Variants in RPL39 observed in about 807,000 individuals in gnomAD.
RPL39 encodes large ribosomal subunit protein eL39.
For synonymous variants in RPL39, 8 were observed against 11.4 expected, an observed-to-expected ratio of 0.70 and a Z score of 0.60; for missense variants, 6 against 37.2, an observed-to-expected ratio of 0.16 and a Z score of 2.18.
rs1213179200 is a variant in RPL39 at position 119,791,562 on chromosome X, C to T, written c.3+12G>A. 2 of 1,168,908 alleles carry T rather than the reference C, an allele frequency of 1.7e-6. No individual in the cohort carries two copies. On this transcript the variant is annotated intron_variant, in intron 1 of 2. Transcript: ENST00000361575. ...AAGCCACCCCGGGGCCGATGGGGGC[C>T]GATGGACTTACCATGGCGAGCAGCG...
At chrX:119,788,157 AT>A (rs1256323380) in intron 2 of RPL39, among the ~76,000 whole-genome samples, 1 of 111,859 alleles carries the variant, frequency 8.9e-6, no homozygotes, top group Non-Finnish European at 1.9e-5. Flanking sequence ...AACCAAGGAA[AT>A]AGGCCCTCAA....
intron 1 of RPL39, chrX:119,791,001 A>G (rs1056821742): frequency 8.2e-6 from 1 of 121,369 alleles, no homozygotes; most frequent in Non-Finnish European, 1.9e-5. Context: ...CCATTTACTA[A>G]GAAGGCCAGA....
intron 2 of RPL39, 149 bp downstream of exon 2, chrX:119,789,758 CG>C: frequency 4.6e-6 from 2 of 432,128 alleles, no homozygotes; most frequent in East Asian, 7.7e-5. Context: ...AAAGGAAGTA[CG>C]TTTTTAAAAA....
intron 1 of RPL39, 121 bp from the exon 2 acceptor site, chrX:119,790,132 C>G (rs1324911818): frequency 2.3e-6 from 1 of 434,171 alleles, no homozygotes; most frequent in Non-Finnish European, 4.0e-6. Flanking sequence ...AAAATCTTCT[C>G]AATGCTAAGC....
intron 2 of RPL39, among the ~76,000 whole-genome samples, chrX:119,789,073 T>G (rs1291458921): frequency 1.8e-5 from 2 of 110,920 alleles, no homozygotes; most frequent in Non-Finnish European, 3.8e-5. Context: ...AAGACCAGCT[T>G]GGGCAACACA....
intron 2 of RPL39, among the ~76,000 whole-genome samples, chrX:119,788,492 T>C (rs1430111142): frequency 2.8e-5 from 3 of 108,375 alleles, no homozygotes; most frequent in Non-Finnish European, 3.8e-5. Context: ...GATCACACCA[T>C]TGCACTCCAG....
At chrX:119,788,427 G>A (rs1259587828) in intron 2 of RPL39, among the ~76,000 whole-genome samples, 2 of 110,153 alleles carry the variant, frequency 1.8e-5, no homozygotes, top group African/African-American at 6.6e-5. Flanking sequence ...AGCTACTTGG[G>A]AGGCTGAGCA....
intron 1 of RPL39, chrX:119,791,178 C>T (rs1268410498): frequency 5.6e-6 from 1 of 178,224 alleles, no homozygotes; most frequent in Non-Finnish European, 1.1e-5. Flanking sequence ...CCACAATACC[C>T]TCCTGATTAC....
chrX:119,787,719 C>G (rs1416116851), intron 2 of RPL39, among the ~76,000 whole-genome samples: 1 of 111,325 alleles, frequency 9.0e-6, no homozygotes, highest in Non-Finnish European at 1.9e-5. Flanking sequence ...GGCCGGATCA[C>G]AGCTCACTGC....
At chrX:119,788,261 C>T (rs980567602) in intron 2 of RPL39, among the ~76,000 whole-genome samples, 4 of 111,831 alleles carry the variant, frequency 3.6e-5, no homozygotes, top group East Asian at 5.6e-4. Flanking sequence ...TGGCTGGGCG[C>T]GGTGGCTCAT....
At chrX:119,791,475 C>T (rs1333628727) in intron 1 of RPL39, 99 bp downstream of exon 1, 2 of 794,035 alleles carry the variant, frequency 2.5e-6, no homozygotes, top group African/African-American at 4.4e-5. Context: ...CTTTAAAAGG[C>T]TCCCGCCCCT....
intron 1 of RPL39, 34 bp downstream of exon 1, chrX:119,791,540 C>G (rs766802483): frequency 1.8e-6 from 2 of 1,121,780 alleles, no homozygotes; most frequent in African/African-American, 3.7e-5. Context: ...TTTTGGGAAG[C>G]CACCCCGGGG....
At position 119,788,632 on chromosome X, in the gene RPL39, G is replaced by A. The variant is rs189921444; in HGVS notation, c.107+1276C>T. Among the ~76,000 whole-genome samples, 1,077 of 111,587 alleles carry A rather than the reference G, an allele frequency of 9.7e-3. 5 individuals are homozygous for A. Among genetic ancestry groups the A allele is most frequent in the Non-Finnish European group, 0.015 (796 of 53,085 alleles). The stretch of plus-strand genomic sequence containing the variant: ...AAATTAGCCAGGCATGGTGGTGAAC[G>A]CCTGTAGTCCCAGCTACTCAGGAGG... On this transcript the variant is annotated intron_variant, in intron 2 of 2. Coordinates refer to ENST00000361575, the MANE Select transcript of RPL39 (RefSeq NM_001000.4).
At chrX:119,788,988 G>C (rs2055683771) in intron 2 of RPL39, among the ~76,000 whole-genome samples, 3 of 112,262 alleles carry the variant, frequency 2.7e-5, no homozygotes, top group Non-Finnish European at 5.6e-5. Context: ...GACTGGGCTA[G>C]GTGTGATGGC....
At chrX:119,787,983 A>C (rs1452409969) in intron 2 of RPL39, among the ~76,000 whole-genome samples, 2 of 111,284 alleles carry the variant, frequency 1.8e-5, no homozygotes, top group African/African-American at 3.3e-5. Context: ...TTCACTCTTC[A>C]CAAGCAGGTC....
chrX:119,786,996 G>T (rs1342339974), intron 2 of RPL39, among the ~76,000 whole-genome samples: 1 of 112,343 alleles, frequency 8.9e-6, no homozygotes, highest in Non-Finnish European at 1.9e-5. Flanking sequence ...CTCTCTCCAA[G>T]TGTACTTGTA....
At chrX:119,790,080 C>T in intron 1 of RPL39, 69 bp from the exon 2 acceptor site, 1 of 639,687 alleles carries the variant, frequency 1.6e-6, no homozygotes, top group Non-Finnish European at 2.5e-6. Flanking sequence ...TCAAGAACTC[C>T]TTCAAACCAA....
chrX:119,789,803 A>C (rs2055689480), intron 2 of RPL39, 105 bp downstream of exon 2: 4 of 484,014 alleles, frequency 8.3e-6, no homozygotes, highest in Non-Finnish European at 1.5e-5. Context: ...GGTGGATTGG[A>C]TTGCATGCAA....
chrX:119,787,630 T>C (rs34447789), intron 2 of RPL39: 101,686 of 254,182 alleles, frequency 0.4, 15,033 homozygotes, highest in Non-Finnish European at 0.47. Flanking sequence ...AGGTTATTTA[T>C]TGAACTAGGC....
Sources: allele counts gnomAD v4.1 joint callset (sites outside exome capture counted in the v4.1 genomes callset), GRCh38; gene constraint gnomAD v4.1.1; transcripts MANE v1.5; gene names NCBI Gene and HGNC (gene_info 2026-07-23, HGNC 2026-07-21).